Variants in PHB2 observed in about 807,000 individuals in gnomAD.
PHB2 encodes prohibitin 2.
Under a neutral mutation model 46.4 loss-of-function variants are expected in PHB2, and 22 were observed. The observed-to-expected ratio is 0.47, with a 90% CI of 0.34 to 0.68. The LOEUF is 0.68. PHB2 is among the 30% of genes least tolerant of loss of function. The pLI, the probability that PHB2 is intolerant of heterozygous loss-of-function variation, is 0.01. For synonymous variants in PHB2, 156 were observed against 150.5 expected (o/e 1.04, Z -0.27); for missense variants, 305 against 382.8 (o/e 0.80, Z 1.70).
chr12:6,966,562 C>T (rs1946214629), intron 7 of PHB2, 62 bp from the exon 8 acceptor site: 3 of 998,726 alleles, frequency 3.0e-6, no homozygotes, highest in Non-Finnish European at 3.2e-6. Flanking sequence ...CCGACCCCTG[C>T]AATTCAGCAG....
At chr12:6,968,628 C>T in intron 3 of PHB2, 33 bp from the exon 4 acceptor site, 1 of 1,566,786 alleles carries the variant, frequency 6.4e-7, no homozygotes, top group Non-Finnish European at 8.8e-7. Context: ...CTGGTCAAGG[C>T]CAAACACCCT....
intron 1 of PHB2, 59 bp from the exon 2 acceptor site, chr12:6,970,339 G>C: frequency 6.2e-7 from 1 of 1,604,108 alleles, no homozygotes; most frequent in Non-Finnish European, 8.5e-7. Flanking sequence ...TGCTAGGCCC[G>C]TGGAGGGGCG....
At position 6,968,521 on chromosome 12, in the gene PHB2, G is replaced by A. The variant is rs782273688; in HGVS notation, c.367C>T (p.Arg123Cys). Residue 123 changes from arginine (R) to cysteine (C), a missense_variant, in exon 4 of 10, where the codon CGC (arginine) becomes TGC (cysteine). This residue lies in a region of PHB2 where 241 missense variants were observed against 302.7 expected (regional missense o/e 0.80). Coordinates refer to ENST00000535923, the MANE Select transcript of PHB2 (RefSeq NM_001144831.2). ...NAQELPSMYQ[R>C]LGLDYEERVL... ...CGTTCCTCGTAGTCCAGCCCTAGGC[G>A]CTGGTACATGCTAGGAAGCTCCTGA... 148 of 1,613,254 alleles carry A rather than the reference G, an allele frequency of 9.2e-5. No individual in the cohort carries two copies. Among genetic ancestry groups the A allele is most frequent in the Non-Finnish European group, 1.2e-4 (140 of 1,179,560 alleles).
Position 6,970,414 on chromosome 12 carries a change from C to T in PHB2, c.127+3G>A, listed in dbSNP as rs782692811. On this transcript the variant is annotated splice_donor_region_variant and intron_variant, in intron 1 of 9. Transcript: ENST00000535923. The stretch of plus-strand genomic sequence containing the variant: ...GTCCGGCGAGCAGGCGGAGGTTGCT[C>T]ACCGGTGAACACAGATTCGCGCACA... 3.1e-6 allele frequency: 5 copies of T among 1,603,752 alleles called. No individual in the cohort carries two copies. In the South Asian group the frequency reaches 3.3e-5, roughly 11 times the overall value.
chr12:6,965,989 C>T lies in PHB2; in HGVS notation c.867-73G>A, dbSNP rs1946206185. 5 of 1,512,658 alleles carry T rather than the reference C, an allele frequency of 3.3e-6. No homozygotes were observed. In the Admixed American group the frequency reaches 5.4e-5, roughly 16 times the overall value. 93.7% of individuals were successfully genotyped at this position (1,512,658 alleles called of 1,614,324 possible). A position where few individuals can be genotyped will look rare whatever the true frequency, so the allele number is the denominator to read the frequency against. Reference sequence around the variant, plus strand: ...CACATGTTAATTGACAGCTTCAGGCCCCACTCAGCTTTGAACCCTCCTTTG... The same window carrying T: ...CACATGTTAATTGACAGCTTCAGGCTCCACTCAGCTTTGAACCCTCCTTTG... On this transcript the variant is annotated intron_variant, in intron 8 of 9. Coordinates refer to ENST00000535923, the MANE Select transcript of PHB2 (RefSeq NM_001144831.2).
rs1946195438 is a variant in PHB2, at chr12:6,965,432, CTG to C, written c.*251_*252del. ...CCCAGCCTTGAGGGAGGGAACAACA[CTG>C]TAGGAAATCACTGAGAAATCACGCA... On this transcript the variant is annotated 3_prime_UTR_variant, in exon 10 of 10. Transcript: ENST00000535923. The C allele has an allele frequency of 7.0e-6, 4 of 568,208 alleles. No homozygotes were observed. In the East Asian group the frequency reaches 1.2e-4, roughly 17 times the overall value. The allele number at this position is 568,208 out of a possible 1,614,324, so 35.2% of individuals were successfully genotyped here.
Position 6,965,638 on chromosome 12 carries a change from A to C in PHB2, c.*47T>G. On this transcript the variant is annotated 3_prime_UTR_variant, in exon 10 of 10. Coordinates refer to ENST00000535923, the MANE Select transcript of PHB2 (RefSeq NM_001144831.2). Reference sequence around the variant, plus strand: ...CCCTGGCTGGCTCCTCAAAAACTGGAGAAGCAGATCCACTTCCTCTGGGGG... The same window carrying C: ...CCCTGGCTGGCTCCTCAAAAACTGGCGAAGCAGATCCACTTCCTCTGGGGG... 1 of 1,570,102 alleles carries C rather than the reference A, an allele frequency of 6.4e-7. No individual in the cohort carries two copies. The highest frequency in any genetic ancestry group is 8.7e-7 in the Non-Finnish European group (1 of 1,144,134).
At position 6,965,409 on chromosome 12, in the gene PHB2, C is replaced by T. The variant is rs1946195126; in HGVS notation, c.*276G>A. On this transcript the variant is annotated 3_prime_UTR_variant, in exon 10 of 10. Coordinates refer to ENST00000535923, the MANE Select transcript of PHB2 (RefSeq NM_001144831.2). ...TCCTGGGTTGGTGTTTATCTCCTCC[C>T]AGCCTTGAGGGAGGGAACAACACTG... The T allele has an allele frequency of 1.9e-6, 1 of 527,664 alleles. No individual in the cohort carries two copies. Among genetic ancestry groups the T allele is most frequent in the Non-Finnish European group, 3.4e-6 (1 of 291,448 alleles). The allele number at this position is 527,664 out of a possible 1,614,324, so 32.7% of individuals were successfully genotyped here. A position where few individuals can be genotyped will look rare whatever the true frequency, so the allele number is the denominator to read the frequency against.
intron 8 of PHB2, 42 bp from the exon 9 acceptor site, chr12:6,965,958 G>A (rs1391860826): frequency 6.3e-7 from 1 of 1,594,574 alleles, no homozygotes; most frequent in Non-Finnish European, 8.5e-7. Flanking sequence ...ACAGAGAAGA[G>A]AAATGCACAT....
In PHB2 at chr12:6,970,484, G is replaced by T; in HGVS notation, c.60C>A (p.Gly20=). The change falls in exon 1 of 10, where the codon GGC becomes GGA. Residue 20 remains glycine, a synonymous_variant. Transcript: ENST00000535923. ...CCCCCAGCAACAGCTTCAGGGCCGT[G>T]CCCATGCCCCGGGGCCCGGCGGGCA... is the stretch of plus-strand genomic sequence containing the variant. ...GRLPAGPRGM[G]TALKLLLGAG... The T allele has an allele frequency of 1.2e-6, 2 of 1,605,526 alleles. No homozygotes were observed. Among genetic ancestry groups the T allele is most frequent in the Non-Finnish European group, 8.5e-7 (1 of 1,178,864 alleles).
Position 6,970,243 on chromosome 12 carries a change from G to A in PHB2, c.165C>T (p.Ile55=). ...GGATAGTGTCCTGCTGCACTCCACC[G>A]ATCCGATTGAAGAAGATGGCTCTGT... The part of the protein sequence containing the change: ...GGHRAIFFNR[I]GGVQQDTILA... Residue 55 remains isoleucine (I), a synonymous_variant, in exon 2 of 10, where the codon ATC becomes ATT. Coordinates refer to ENST00000535923, the MANE Select transcript of PHB2 (RefSeq NM_001144831.2). The A allele has an allele frequency of 6.2e-7, 1 of 1,613,778 alleles. No homozygotes were observed. Among genetic ancestry groups the A allele is most frequent in the South Asian group, 1.1e-5 (1 of 91,080 alleles).
Position 6,970,563 on chromosome 12 carries a change from G to A in PHB2, c.-20C>T. The stretch of plus-strand genomic sequence containing the variant: ...GGCCATGTCTGATCTTGAGGCCGGC[G>A]GCACTGGAGGTCAGAAGGGGGTGCC... On this transcript the variant is annotated 5_prime_UTR_variant, in exon 1 of 10. Transcript: ENST00000535923. The A allele has an allele frequency of 6.4e-7, 1 of 1,571,618 alleles. No homozygotes were observed. Among genetic ancestry groups the A allele is most frequent in the Non-Finnish European group, 8.6e-7 (1 of 1,162,682 alleles).
Position 6,968,487 on chromosome 12 carries a change from G to A in PHB2, c.401C>T (p.Pro134Leu), listed in dbSNP as rs1946255341. Reference sequence around the variant, plus strand: ...CTTGAGCACCTCGTTGACAATGGACGGCAACACTCGTTCCTCGTAGTCCAG... The same window carrying A: ...CTTGAGCACCTCGTTGACAATGGACAGCAACACTCGTTCCTCGTAGTCCAG... ...LGLDYEERVL[P>L]SIVNEVLKSV... is the part of the protein sequence containing the mutation. The change falls in exon 4 of 10, where the codon CCG becomes CTG. Residue 134 changes from proline to leucine, a missense_variant. Physicochemically the swap from Pro to Leu is moderately conservative, Grantham distance 98 (BLOSUM62 -3). Transcript: ENST00000535923. The A allele has an allele frequency of 1.2e-6, 2 of 1,613,092 alleles. No homozygotes were observed. Among genetic ancestry groups the A allele is most frequent in the Non-Finnish European group, 1.7e-6 (2 of 1,179,538 alleles).
Position 6,967,746 on chromosome 12 carries a change from A to C in PHB2, c.641T>G (p.Val214Gly). Residue 214 changes from valine (V) to glycine (G), a missense_variant, in exon 6 of 10, where the codon GTA (valine) becomes GGA (glycine). Physicochemically the swap from Val to Gly is moderately radical, Grantham distance 109. Coordinates refer to ENST00000535923, the MANE Select transcript of PHB2 (RefSeq NM_001144831.2). The surrounding 1 kb of genome is among the most constrained non-coding windows in gnomAD (Gnocchi z 4.9). The part of the protein sequence containing the change: ...QQEAQRAQFL[V>G]EKAKQEQRQK... ...CCGCTGTTCCTGCTTTGCTTTTTCT[A>C]CCAAGAATTGGGCCCGCTGGGCCTC... is the stretch of plus-strand genomic sequence containing the variant. The C allele has an allele frequency of 6.2e-7, 1 of 1,613,728 alleles. No individual in the cohort carries two copies. The highest frequency in any genetic ancestry group is 8.5e-7 in the Non-Finnish European group (1 of 1,179,832).
At chr12:6,969,827 A>G (rs782412604) in intron 2 of PHB2, 3 of 489,876 alleles carry the variant, frequency 6.1e-6, no homozygotes, top group African/African-American at 5.9e-5. Context: ...TGAAATCAGG[A>G]GGCGGAGGTT....
upstream of PHB2, chr12:6,970,741 T>C (rs117069316): frequency 1.6e-5 from 15 of 924,720 alleles, no homozygotes; most frequent in Admixed American, 2.9e-5. Flanking sequence ...CGCACAGGAA[T>C]CGCGCATACG....
chr12:6,970,442 G>A lies in PHB2; in HGVS notation c.102C>T (p.Tyr34=), dbSNP rs1555151909. ...KLLLGAGAVA[Y]GVRESVFTVE... ...CGGTGAACACAGATTCGCGCACACC[G>A]TAGGCCACGGCGCCGGCCCCCAGCA... The change falls in exon 1 of 10, where the codon TAC becomes TAT. Residue 34 remains tyrosine, a synonymous_variant. Coordinates refer to ENST00000535923, the MANE Select transcript of PHB2 (RefSeq NM_001144831.2). 6.2e-7 allele frequency: 1 copy of A among 1,604,034 alleles called. No homozygotes were observed. Among genetic ancestry groups the A allele is most frequent in the Non-Finnish European group, 8.5e-7 (1 of 1,179,600 alleles).
chr12:6,969,907 A>G, intron 2 of PHB2: 1 of 627,932 alleles, frequency 1.6e-6, no homozygotes, highest in Non-Finnish European at 2.9e-6. Context: ...TCCAAAAAAA[A>G]AAAAAGAAAA....
chr12:6,970,581 G>C lies in PHB2; in HGVS notation c.-38C>G, dbSNP rs782425183. On this transcript the variant is annotated 5_prime_UTR_variant, in exon 1 of 10. Transcript: ENST00000535923. ...GGCCGGCGGCACTGGAGGTCAGAAG[G>C]GGGTGCCGGCCCGCCTCTACCCCGC... The C allele has an allele frequency of 6.5e-6, 10 of 1,550,012 alleles. No homozygotes were observed. Among genetic ancestry groups the C allele is most frequent in the South Asian group, 2.5e-5 (2 of 80,392 alleles).
Sources: allele counts gnomAD v4.1 joint callset, GRCh38; gene constraint gnomAD v4.1.1; regional missense constraint gnomAD v4.1.1; non-coding constraint Gnocchi (gnomAD v3.1); transcripts MANE v1.5; gene names NCBI Gene and HGNC (gene_info 2026-07-23, HGNC 2026-07-21).